Variants in MTHFD2L observed in about 807,000 individuals in gnomAD.
MTHFD2L encodes the protein bifunctional methylenetetrahydrofolate dehydrogenase/cyclohydrolase 2, mitochondrial.
A neutral mutation model predicts 34.9 loss-of-function variants in MTHFD2L; 29 were observed. That is an observed-to-expected ratio of 0.83 (90% CI 0.62 to 1.13). The LOEUF (loss-of-function observed/expected upper bound fraction) is 1.13. Ranked by LOEUF, MTHFD2L falls within the 50% of genes most tolerant of loss-of-function variation. MTHFD2L has a pLI of 0.00. For synonymous variants in MTHFD2L, 167 were observed against 155.7 expected (o/e 1.07, Z -0.54); for missense variants, 481 against 446.5 (o/e 1.08, Z -0.70).
At position 74,246,249 on chromosome 4, in the gene MTHFD2L, T is replaced by C. The variant is rs199750420; in HGVS notation, c.805+20855T>C. ...GCCAGTGATGATGAGCATTTTTTCG[T>C]GTGTCTTTTGGCTGCATAAATGTCT... is the stretch of plus-strand genomic sequence containing the variant. On this transcript the variant is annotated intron_variant, in intron 6 of 7. Coordinates refer to ENST00000325278, the MANE Select transcript of MTHFD2L (RefSeq NM_001144978.3). Among the ~76,000 whole-genome samples the C allele has an allele frequency of 8.8e-3, 1,342 of 152,116 alleles. 26 individuals carry two copies. The highest frequency in any genetic ancestry group is 0.066 in the South Asian group (317 of 4,806).
intron 5 of MTHFD2L, among the ~76,000 whole-genome samples, chr4:74,208,383 T>A (rs1735716710): frequency 6.6e-6 from 1 of 152,154 alleles, no homozygotes; most frequent in East Asian, 1.9e-4. Context: ...GCACTGCACT[T>A]GGAAATTATA....
chr4:74,161,526 C>CT (rs2109896971), intron 1 of MTHFD2L: 1 of 152,308 alleles, frequency 6.6e-6, no homozygotes, highest in South Asian at 2.1e-4. Context: ...AATTCAAAAA[C>CT]TAAGTGTTTC....
At chr4:74,128,429 G>C (rs1301658878) in intron 1 of MTHFD2L, among the ~76,000 whole-genome samples, 3 of 151,908 alleles carry the variant, frequency 2.0e-5, no homozygotes, top group Non-Finnish European at 2.9e-5. Flanking sequence ...TTCACTCTAT[G>C]CATATGGTTA....
intron 3 of MTHFD2L, among the ~76,000 whole-genome samples, chr4:74,190,281 G>C (rs1732236763): frequency 6.6e-6 from 1 of 152,148 alleles, no homozygotes; most frequent in Non-Finnish European, 1.5e-5. Context: ...TTGCTTACAA[G>C]AACAAGGTAA....
chr4:74,136,378 C>T (rs765583415), intron 1 of MTHFD2L, among the ~76,000 whole-genome samples: 1 of 151,926 alleles, frequency 6.6e-6, no homozygotes, highest in Non-Finnish European at 1.5e-5. Flanking sequence ...TCATTTAAAA[C>T]TACAAAGAAT....
chr4:74,267,998 C>T, intron 6 of MTHFD2L: 8 of 985,168 alleles, frequency 8.1e-6, no homozygotes, highest in Non-Finnish European at 9.6e-6. Context: ...TTGTCCTTGG[C>T]ATGAATATTA....
intron 5 of MTHFD2L, among the ~76,000 whole-genome samples, chr4:74,210,005 T>TG (rs1243817942): frequency 6.6e-6 from 1 of 152,252 alleles, no homozygotes; most frequent in Admixed American, 6.5e-5. Context: ...TTTTAAAAAG[T>TG]GTCTGTTCAT....
At chr4:74,169,193 C>T (rs568970433) in intron 1 of MTHFD2L, among the ~76,000 whole-genome samples, 3 of 152,196 alleles carry the variant, frequency 2.0e-5, no homozygotes, top group Admixed American at 1.3e-4. Context: ...TGACTTAGCA[C>T]CTCAGTGCTA....
upstream of MTHFD2L, among the ~76,000 whole-genome samples, chr4:74,125,157 AT>A (rs1193577512): frequency 6.6e-6 from 1 of 152,188 alleles, no homozygotes; most frequent in Non-Finnish European, 1.5e-5. Flanking sequence ...TGATAATTAA[AT>A]TTGAAATAGG....
chr4:74,274,641 T>C (rs1746387118), intron 6 of MTHFD2L, among the ~76,000 whole-genome samples: 2 of 152,204 alleles, frequency 1.3e-5, no homozygotes, highest in Admixed American at 1.3e-4. Context: ...TAGTTTATGG[T>C]TACTGTAGCA....
At chr4:74,198,830 T>C (rs1477976435) in intron 3 of MTHFD2L, among the ~76,000 whole-genome samples, 1 of 151,974 alleles carries the variant, frequency 6.6e-6, no homozygotes, top group East Asian at 1.9e-4. Flanking sequence ...ATGAATACTT[T>C]TATATATTTC....
chr4:74,197,498 G>A (rs1733689849), intron 3 of MTHFD2L, among the ~76,000 whole-genome samples: 1 of 152,036 alleles, frequency 6.6e-6, no homozygotes, highest in Non-Finnish European at 1.5e-5. Context: ...TACATTTCTT[G>A]GGATATTTTA....
intron 6 of MTHFD2L, among the ~76,000 whole-genome samples, chr4:74,238,362 A>T (rs191821299): frequency 6.6e-6 from 1 of 152,192 alleles, no homozygotes; most frequent in Non-Finnish European, 1.5e-5. Context: ...GTAGTTAAAG[A>T]CATAAATGTT....
At chr4:74,127,977 T>C (rs1428784031) in intron 1 of MTHFD2L, among the ~76,000 whole-genome samples, 1 of 152,170 alleles carries the variant, frequency 6.6e-6, no homozygotes, top group Non-Finnish European at 1.5e-5. Flanking sequence ...GTGGTTTGGA[T>C]TTGCATTTTT....
intron 7 of MTHFD2L, among the ~76,000 whole-genome samples, chr4:74,282,898 C>T (rs1015380463): frequency 6.6e-6 from 1 of 152,090 alleles, no homozygotes; most frequent in Non-Finnish European, 1.5e-5. Flanking sequence ...GGAATGACCT[C>T]ATTTATTTAT....
rs763669844 is a variant in MTHFD2L, at chr4:74,201,268, C to G, written c.610C>G (p.Gln204Glu). Residue 204 changes from glutamine to glutamate, a missense_variant, in exon 5 of 8, where the codon CAA becomes GAA. Gln to Glu is a conservative substitution (Grantham distance 29, BLOSUM62 2). Coordinates refer to ENST00000325278, the MANE Select transcript of MTHFD2L (RefSeq NM_001144978.3). ...VWEIIKRTGI[Q>E]TFGKNVVVAG... ...ACCGAACTCTGTATTTTAAGGAATTCAAACATTTGGAAAAAATGTGGTTGT... is the reference window on the plus strand; with the variant it reads ...ACCGAACTCTGTATTTTAAGGAATTGAAACATTTGGAAAAAATGTGGTTGT... 4.5e-5 allele frequency: 73 copies of G among 1,612,762 alleles called. No individual in the cohort carries two copies. The highest frequency in any genetic ancestry group is 5.9e-5 in the Non-Finnish European group (69 of 1,179,218).
rs367601524 is a variant in MTHFD2L, at chr4:74,302,052, G to T, written c.*243G>T. The T allele has an allele frequency of 8.4e-5, 28 of 333,548 alleles. No homozygotes were observed. The South Asian group carries it at 2.3e-3, about 28-fold the overall frequency. The allele number at this position is 333,548 out of a possible 1,614,324, so 20.7% of individuals were successfully genotyped here. A position where few individuals can be genotyped will look rare whatever the true frequency, so the allele number is the denominator to read the frequency against. ...TTTTAGTAACAATTGTTTATTTTGA[G>T]GGTATTTGTTCATAACATTAAAACA... On this transcript the variant is annotated 3_prime_UTR_variant, in exon 8 of 8. Transcript: ENST00000325278.
rs545991591 is a variant in MTHFD2L, at chr4:74,250,396, A to G, written c.805+25002A>G. On this transcript the variant is annotated intron_variant, in intron 6 of 7. Coordinates refer to ENST00000325278, the MANE Select transcript of MTHFD2L (RefSeq NM_001144978.3). ...TTTCTAACACTTATCATTACCCAAC[A>G]TTTTATTATGTATCTATTTATTTGT... Among the ~76,000 whole-genome samples, 10 of 152,032 alleles carry G rather than the reference A, an allele frequency of 6.6e-5. No individual in the cohort carries two copies. In the South Asian group the frequency reaches 1.9e-3, roughly 28 times the overall value.
At chr4:74,214,949 G>A (rs1736943688) in intron 5 of MTHFD2L, among the ~76,000 whole-genome samples, 1 of 151,772 alleles carries the variant, frequency 6.6e-6, no homozygotes, top group Non-Finnish European at 1.5e-5. Flanking sequence ...CAGCAGCTTT[G>A]TTGGCTCCGC....
Sources: gnomAD v4.1 joint callset for allele counts (sites outside exome capture counted in the v4.1 genomes callset) on GRCh38, gnomAD v4.1.1 for gene constraint, MANE v1.5 for transcripts, NCBI Gene and HGNC (gene_info 2026-07-23, HGNC 2026-07-21) for gene names.